MINDY4B: variants seen among roughly 807,000 people sequenced by gnomAD.
MINDY4B encodes MINDY family member 4B, also known as inactive ubiquitin carboxyl-terminal hydrolase MINDY-4B.
A neutral mutation model predicts 16.7 loss-of-function variants in MINDY4B; 25 were observed. That is an observed-to-expected ratio of 1.49 (90% CI 1.09 to 2.09). MINDY4B has a LOEUF of 2.09. Ranked by LOEUF, MINDY4B falls within the 30% of genes most tolerant of loss-of-function variation. The pLI is 0.00. For missense variants in MINDY4B, 327 were observed against 168.4 expected (o/e 1.94, Z -5.21); for synonymous variants, 132 against 61.9 (o/e 2.13, Z -5.32).
At chr3:150,893,468 A>G (rs1711872028) in intron 4 of MINDY4B, 53 bp from the exon 5 acceptor site, 2 of 702,256 alleles carry the variant, frequency 2.8e-6, no homozygotes, top group Non-Finnish European at 5.2e-6. Flanking sequence ...AATTAATGTT[A>G]TCTATTCTTC....
intron 11 of MINDY4B, among the ~76,000 whole-genome samples, chr3:150,872,757 A>G (rs188625603): frequency 7.2e-4 from 109 of 152,258 alleles, no homozygotes; most frequent in African/African-American, 2.3e-3. Context: ...ATTTACTATC[A>G]GTTTGGTTAC....
At chr3:150,893,832 A>G (rs1458679407) in intron 4 of MINDY4B, among the ~76,000 whole-genome samples, 2 of 152,072 alleles carry the variant, frequency 1.3e-5, no homozygotes, top group African/African-American at 2.4e-5. Context: ...CTAGGATTAC[A>G]GGTGTGCACC....
At chr3:150,886,545 C>G (rs569677320) in intron 7 of MINDY4B, among the ~76,000 whole-genome samples, 1 of 152,214 alleles carries the variant, frequency 6.6e-6, no homozygotes. Context: ...TAAAACAACA[C>G]GAATTTATTA....
chr3:150,873,909 A>G (rs1425655083), intron 10 of MINDY4B, among the ~76,000 whole-genome samples: 5 of 151,922 alleles, frequency 3.3e-5, no homozygotes, highest in Admixed American at 2.0e-4. Flanking sequence ...ATATACACAT[A>G]TATCTACAGG....
intron 11 of MINDY4B, 83 bp from the exon 12 acceptor site, chr3:150,871,270 G>A: frequency 3.1e-6 from 2 of 650,590 alleles, no homozygotes; most frequent in Non-Finnish European, 5.5e-6. Flanking sequence ...CAGAAGGGTG[G>A]GTGGGCAGGA....
rs969739609 is a variant in MINDY4B, at chr3:150,870,555, T to C, written c.*490A>G. Among the ~76,000 whole-genome samples the C allele has an allele frequency of 1.3e-5, 2 of 152,234 alleles. No individual in the cohort carries two copies. Among genetic ancestry groups the C allele is most frequent in the Non-Finnish European group, 2.9e-5 (2 of 68,038 alleles). On this transcript the variant is annotated 3_prime_UTR_variant, in exon 12 of 12. Transcript: ENST00000465419. Reference sequence around the variant, plus strand: ...TATTTTAATGACAAGAACTTGCTAATGTGGGCATATGAACTGTATCCTTGG... The same window carrying C: ...TATTTTAATGACAAGAACTTGCTAACGTGGGCATATGAACTGTATCCTTGG...
chr3:150,897,970 A>G (rs1156788214), intron 3 of MINDY4B, among the ~76,000 whole-genome samples: 3 of 152,208 alleles, frequency 2.0e-5, no homozygotes, highest in African/African-American at 7.2e-5. Flanking sequence ...CTCCCAACTC[A>G]AGGGCAAAGA....
chr3:150,883,644 T>C (rs545479181), intron 9 of MINDY4B, 56 bp downstream of exon 9: 20 of 690,968 alleles, frequency 2.9e-5, no homozygotes, highest in Non-Finnish European at 5.0e-5. Context: ...AAACTCTGCA[T>C]GTGGCATTCA....
rs1712161940 is a variant in MINDY4B, at chr3:150,903,413, G to T, written c.145C>A (p.His49Asn). 7.5e-6 allele frequency: 3 copies of T among 398,384 alleles called. No individual in the cohort carries two copies. The highest frequency in any genetic ancestry group is 1.3e-5 in the Non-Finnish European group (3 of 225,986). 24.7% of individuals were successfully genotyped at this position (398,384 alleles called of 1,614,324 possible). Residue 49 changes from histidine to asparagine, a missense_variant, in exon 3 of 12, where the codon CAT becomes AAT. His to Asn is a moderately conservative substitution (Grantham distance 68). Coordinates refer to ENST00000465419, the MANE Select transcript of MINDY4B (RefSeq NM_001351281.2). ...LGTNNSTPQN[H>N]EGNHTSADEN... is the part of the protein sequence containing the mutation. ...TCAGCAGATGTATGGTTGCCTTCAT[G>T]ATTCTGTGCAAATATCACCCCCACA...
intron 3 of MINDY4B, among the ~76,000 whole-genome samples, chr3:150,902,683 T>C (rs1421915809): frequency 1.3e-5 from 2 of 152,210 alleles, no homozygotes; most frequent in African/African-American, 4.8e-5. Flanking sequence ...AAGTCTTGAA[T>C]TGAGCAAATG....
intron 10 of MINDY4B, among the ~76,000 whole-genome samples, chr3:150,878,390 A>G (rs1387434602): frequency 6.6e-6 from 1 of 152,216 alleles, no homozygotes; most frequent in African/African-American, 2.4e-5. Context: ...TTCAAGTAAG[A>G]AAACTAACTG....
Position 150,873,281 on chromosome 3 carries a change from C to A in MINDY4B, c.1146G>T (p.Arg382Ser). The A allele has an allele frequency of 1.4e-6, 1 of 702,874 alleles. No individual in the cohort carries two copies. The highest frequency in any genetic ancestry group is 2.6e-6 in the Non-Finnish European group (1 of 384,840). The allele number at this position is 702,874 out of a possible 1,614,324, so 43.5% of individuals were successfully genotyped here. A position where few individuals can be genotyped will look rare whatever the true frequency, so the allele number is the denominator to read the frequency against. ...CCATTTTCCAGTCTGATAAGAGCTG[C>A]CTGTTTGTGCAAAAAAGGATGCTGT... ...GNYSILFCTN[R>S]QLLSDWKMER... Residue 382 changes from arginine (R) to serine (S), a missense_variant, in exon 11 of 12, where the codon AGG becomes AGT. Physicochemically the swap from Arg to Ser is moderately radical, Grantham distance 110 (BLOSUM62 -1). Transcript: ENST00000465419.
chr3:150,893,697 G>A (rs9681172), intron 4 of MINDY4B, among the ~76,000 whole-genome samples: 2 of 47,128 alleles, frequency 4.2e-5, no homozygotes, highest in Non-Finnish European at 1.2e-4. Context: ...GTTTTTTTTT[G>A]GGGGGGGGGG....
At chr3:150,882,437 G>A (rs771129268) in intron 10 of MINDY4B, among the ~76,000 whole-genome samples, 6 of 151,702 alleles carry the variant, frequency 4.0e-5, no homozygotes, top group Non-Finnish European at 8.8e-5. Flanking sequence ...TATGTAGGCT[G>A]TGTGCATTCA....
At chr3:150,894,880 A>G (rs1471346694) in intron 3 of MINDY4B, among the ~76,000 whole-genome samples, 8 of 152,248 alleles carry the variant, frequency 5.3e-5, no homozygotes, top group Admixed American at 5.2e-4. Flanking sequence ...CTTGTGTGGG[A>G]TATAGTTATG....
chr3:150,873,723 TG>T lies in MINDY4B; in HGVS notation c.1060-357del, dbSNP rs1717022797. 3.9e-5 allele frequency among the ~76,000 whole-genome samples: 6 copies of T among 152,230 alleles called. No homozygotes were observed. The South Asian group carries it at 1.2e-3, about 32-fold the overall frequency. On this transcript the variant is annotated intron_variant, in intron 10 of 11. Coordinates refer to ENST00000465419, the MANE Select transcript of MINDY4B (RefSeq NM_001351281.2). ...TGGTGGAATAAGAGAACTCTAATTC[TG>T]TGTTTGTCACTGACTAGCATATCTG... is the stretch of plus-strand genomic sequence containing the variant.
chr3:150,870,498 C>A lies in MINDY4B; in HGVS notation c.*547G>T. 6.6e-6 allele frequency among the ~76,000 whole-genome samples: 1 copy of A among 152,180 alleles called. No individual in the cohort carries two copies. Among genetic ancestry groups the A allele is most frequent in the Middle Eastern group, 3.2e-3 (1 of 316 alleles). ...ATAGCTGTCAGCCTACCAGGAATAA[C>A]CCCTGCTTCAAACCCCAAGAAGCCC... On this transcript the variant is annotated 3_prime_UTR_variant, in exon 12 of 12. Transcript: ENST00000465419.
At chr3:150,892,645 T>G (rs1055159255) in intron 5 of MINDY4B, among the ~76,000 whole-genome samples, 1 of 152,012 alleles carries the variant, frequency 6.6e-6, no homozygotes, top group African/African-American at 2.4e-5. Flanking sequence ...CTTATCAGCC[T>G]GGTTAAATAG....
chr3:150,890,956 C>A lies in MINDY4B; in HGVS notation c.669G>T (p.Val223=). Reference sequence around the variant, plus strand: ...CACTTACTCGCTCAGTGAAATTGTCCACAGAGTAGTCCGGAGTCGACGCAA... The same window carrying A: ...CACTTACTCGCTCAGTGAAATTGTCAACAGAGTAGTCCGGAGTCGACGCAA... ...IYVASTPDYS[V]DNFTERLQLF... The change falls in exon 6 of 12, where the codon GTG becomes GTT. Residue 223 remains valine (V), a synonymous_variant. Coordinates refer to ENST00000465419, the MANE Select transcript of MINDY4B (RefSeq NM_001351281.2). The A allele has an allele frequency of 1.4e-6, 1 of 702,784 alleles. No individual in the cohort carries two copies. Among genetic ancestry groups the A allele is most frequent in the South Asian group, 1.5e-5 (1 of 67,586 alleles). 43.5% of individuals were successfully genotyped at this position (702,784 alleles called of 1,614,324 possible).
Sources: allele counts gnomAD v4.1 joint callset (sites outside exome capture counted in the v4.1 genomes callset), GRCh38; gene constraint gnomAD v4.1.1; transcripts MANE v1.5; gene names NCBI Gene and HGNC (gene_info 2026-07-23, HGNC 2026-07-21).